Variants in ZDHHC8 observed in about 807,000 individuals in gnomAD.
The protein encoded by ZDHHC8 is zDHHC palmitoyltransferase 8, also known as palmitoyltransferase ZDHHC8.
Under a neutral mutation model 61.2 loss-of-function variants are expected in ZDHHC8, and 24 were observed. That is an observed-to-expected ratio of 0.39 (90% CI 0.28 to 0.55). The LOEUF is 0.55. Ranked by LOEUF, ZDHHC8 falls within the 20% of genes least tolerant of loss-of-function variation. ZDHHC8 has a pLI of 0.60. For missense variants in ZDHHC8, 935 were observed against 1,102.1 expected (o/e 0.85, Z 2.15); for synonymous variants, 523 against 492.5 (o/e 1.06, Z -0.82).
Position 20,140,174 on chromosome 22 carries a change from TC to T in ZDHHC8, c.619del (p.His207MetfsTer15). On this transcript the variant is annotated frameshift_variant, in exon 5 of 11. Transcript: ENST00000334554. LOFTEE classifies it high-confidence loss of function. ...FFIPVIGLTG[F>X]HVVLVTRGRT... Reference sequence around the variant, plus strand: ...ATCCCTGTCATTGGCCTCACTGGCTTCCATGTGGTGCTGGTCACTCGGGGGC... The same window carrying T: ...ATCCCTGTCATTGGCCTCACTGGCTTCATGTGGTGCTGGTCACTCGGGGGC... 6.2e-7 allele frequency: 1 copy of T among 1,613,522 alleles called. No homozygotes were observed. Among genetic ancestry groups the T allele is most frequent in the South Asian group, 1.1e-5 (1 of 91,088 alleles).
chr22:20,136,724 ATG>A (rs1303581676), intron 1 of ZDHHC8, among the ~76,000 whole-genome samples: 2 of 152,068 alleles, frequency 1.3e-5, no homozygotes, highest in African/African-American at 4.8e-5. Flanking sequence ...ATGCATGTAT[ATG>A]TGTTTTGTAT....
chr22:20,145,616 C>G lies in ZDHHC8; in HGVS notation c.*216C>G. Reference sequence around the variant, plus strand: ...CCATGGGGAAGTCGGCTCACTGGGACAAGGGCCACTGGGCTGGTCTGTGTC... The same window carrying G: ...CCATGGGGAAGTCGGCTCACTGGGAGAAGGGCCACTGGGCTGGTCTGTGTC... On this transcript the variant is annotated 3_prime_UTR_variant, in exon 11 of 11. Coordinates refer to ENST00000334554, the MANE Select transcript of ZDHHC8 (RefSeq NM_013373.4). 1 of 1,221,796 alleles carries G rather than the reference C, an allele frequency of 8.2e-7. No individual in the cohort carries two copies. Among genetic ancestry groups the G allele is most frequent in the African/African-American group, 1.6e-5 (1 of 63,578 alleles). The allele number at this position is 1,221,796 out of a possible 1,614,324, so 75.7% of individuals were successfully genotyped here. A position where few individuals can be genotyped will look rare whatever the true frequency, so the allele number is the denominator to read the frequency against.
chr22:20,141,746 G>A (rs2050473130), intron 9 of ZDHHC8, among the ~76,000 whole-genome samples: 1 of 152,174 alleles, frequency 6.6e-6, no homozygotes, highest in Non-Finnish European at 1.5e-5. Flanking sequence ...ACCCAGAGCT[G>A]GGACCCACAG....
intron 1 of ZDHHC8, among the ~76,000 whole-genome samples, chr22:20,132,788 C>T (rs1602564061): frequency 6.6e-6 from 1 of 152,240 alleles, no homozygotes; most frequent in African/African-American, 2.4e-5. Context: ...TACAGGCTGG[C>T]TTAGGACCAG....
Position 20,146,904 on chromosome 22 carries a change from TC to T in ZDHHC8, c.*1505del. ...GGGAGTGTGAGGGATGCACAGCTGT[TC>T]AGGGCTGAGACATTCTGGGCTGGGG... On this transcript the variant is annotated 3_prime_UTR_variant, in exon 11 of 11. Coordinates refer to ENST00000334554, the MANE Select transcript of ZDHHC8 (RefSeq NM_013373.4). 7.5e-7 allele frequency: 1 copy of T among 1,327,858 alleles called. No homozygotes were observed. Among genetic ancestry groups the T allele is most frequent in the Non-Finnish European group, 9.6e-7 (1 of 1,042,910 alleles). 82.3% of individuals were successfully genotyped at this position (1,327,858 alleles called of 1,614,324 possible). A position where few individuals can be genotyped will look rare whatever the true frequency, so the allele number is the denominator to read the frequency against.
chr22:20,143,741 C>T lies in ZDHHC8; in HGVS notation c.2111C>T (p.Ser704Leu), dbSNP rs768167749. 11 of 1,608,422 alleles carry T rather than the reference C, an allele frequency of 6.8e-6. No individual in the cohort carries two copies. The highest frequency in any genetic ancestry group is 5.3e-5 in the African/African-American group (4 of 74,862). Residue 704 changes from serine to leucine, a missense_variant, in exon 10 of 11, where the codon TCG (serine) becomes TTG (leucine). Ser to Leu is a moderately radical substitution (Grantham distance 145). Around this residue, in one of 3 missense-constraint regions of ZDHHC8, gnomAD observed 692 missense variants for 731.4 expected, o/e 0.95. Coordinates refer to ENST00000334554, the MANE Select transcript of ZDHHC8 (RefSeq NM_013373.4). Reference sequence around the variant, plus strand: ...ACGGACCTCCCAGAGCCACCGCCCTCGCTGACCGTGCAGAGGTGGGTGCCG... The same window carrying T: ...ACGGACCTCCCAGAGCCACCGCCCTTGCTGACCGTGCAGAGGTGGGTGCCG... ...IHTDLPEPPP[S>L]LTVQRDHPQL...
chr22:20,145,194 C>A, intron 10 of ZDHHC8, 35 bp from the exon 11 acceptor site: 1 of 1,409,928 alleles, frequency 7.1e-7, no homozygotes, highest in South Asian at 1.6e-5. Flanking sequence ...GTGTGTTCAC[C>A]GTGTGCATGT....
rs1439116970 is a variant in ZDHHC8, at chr22:20,139,238, A to G, written c.149A>G (p.Tyr50Cys). The G allele has an allele frequency of 1.9e-6, 3 of 1,613,860 alleles. No individual in the cohort carries two copies. Among genetic ancestry groups the G allele is most frequent in the Non-Finnish European group, 1.7e-6 (2 of 1,180,000 alleles). The change falls in exon 2 of 11, where the codon TAC becomes TGC. Residue 50 changes from tyrosine to cysteine, a missense_variant. Coordinates refer to ENST00000334554, the MANE Select transcript of ZDHHC8 (RefSeq NM_013373.4). ...TRAVSPAVPV[Y>C]NGIIFLFVLA... ...GCTGTGTCCCCAGCTGTTCCCGTCT[A>G]CAATGGCATCATCTTCCTCTTTGTC...
Position 20,132,018 on chromosome 22 carries a change from TG to T in ZDHHC8, c.73del (p.Val25SerfsTer15). ...YIPVATAAAL[L>X]VGSSTLFFVF... is the part of the protein sequence containing the mutation. ...CCGGTGGCCACGGCCGCCGCGCTGC[TG>T]GTCGGCTCCAGCACCCTCTTCTTCG... On this transcript the variant is annotated frameshift_variant, in exon 1 of 11. Coordinates refer to ENST00000334554, the MANE Select transcript of ZDHHC8 (RefSeq NM_013373.4). LOFTEE classifies it high-confidence loss of function. 2 of 1,390,434 alleles carry T rather than the reference TG, an allele frequency of 1.4e-6. No individual in the cohort carries two copies. The highest frequency in any genetic ancestry group is 1.3e-5 in the South Asian group (1 of 75,056). 86.1% of individuals were successfully genotyped at this position (1,390,434 alleles called of 1,614,324 possible). A position where few individuals can be genotyped will look rare whatever the true frequency, so the allele number is the denominator to read the frequency against.
In ZDHHC8 at chr22:20,139,851, G is replaced by A. The variant is rs200115823; in HGVS notation, c.516G>A (p.Leu172=). The A allele has an allele frequency of 3.1e-6, 5 of 1,612,604 alleles. No individual in the cohort carries two copies. The East Asian group carries it at 8.9e-5, about 29-fold the overall frequency. Residue 172 remains leucine (L), a synonymous_variant, in exon 4 of 11, where the codon CTG becomes CTA. Transcript: ENST00000334554. ...GVVAFGLVYV[L]NHAEGLGAAH... is the part of the protein sequence containing the mutation. ...TGGCCTTCGGCCTGGTCTACGTGCT[G>A]AACCACGCTGAGGGGCTGGGAGCCG...
In ZDHHC8 at chr22:20,141,483, G is replaced by T. The variant is rs745626862; in HGVS notation, c.1078G>T (p.Ala360Ser). Residue 360 changes from alanine (A) to serine (S), a missense_variant, in exon 9 of 11, where the codon GCT becomes TCT. Ala to Ser is a moderately conservative substitution (Grantham distance 99). This residue lies in a region of ZDHHC8 where 692 missense variants were observed against 731.4 expected (regional missense o/e 0.95). Transcript: ENST00000334554. ...ACCTGCCATGTACAAGTTTAGGCCG[G>T]CTTTCCCCACGGGTCCCAAGGTGCC... ...PTPAMYKFRPAFPTGPKVPFC... is the reference protein window; with the variant it reads ...PTPAMYKFRPSFPTGPKVPFC... 3 of 1,613,132 alleles carry T rather than the reference G, an allele frequency of 1.9e-6. No homozygotes were observed. Among genetic ancestry groups the T allele is most frequent in the Non-Finnish European group, 1.7e-6 (2 of 1,179,936 alleles).
At chr22:20,139,034 G>A (rs983816015) in intron 1 of ZDHHC8, among the ~76,000 whole-genome samples, 160 bp from the exon 2 acceptor site, 1 of 152,202 alleles carries the variant, frequency 6.6e-6, no homozygotes, top group Non-Finnish European at 1.5e-5. Flanking sequence ...TCGAAGGAGC[G>A]ATGTGGCTGA....
chr22:20,144,864 C>G (rs1439739600), intron 10 of ZDHHC8, among the ~76,000 whole-genome samples: 2 of 152,230 alleles, frequency 1.3e-5, no homozygotes, highest in African/African-American at 4.8e-5. Context: ...TGAGGCCAGG[C>G]AGAGTGGCTG....
Position 20,140,139 on chromosome 22 carries a change from C to T in ZDHHC8, c.582C>T (p.Gly194=), listed in dbSNP as rs2050455320. ...TITMAVMCVA[G]LFFIPVIGLT... is the part of the protein sequence containing the mutation. ...GCATGGCTGTCATGTGTGTGGCCGG[C>T]CTCTTCTTCATCCCTGTCATTGGCC... The change falls in exon 5 of 11, where the codon GGC becomes GGT. Residue 194 remains glycine (G), a synonymous_variant. Coordinates refer to ENST00000334554, the MANE Select transcript of ZDHHC8 (RefSeq NM_013373.4). The T allele has an allele frequency of 6.2e-7, 1 of 1,613,732 alleles. No homozygotes were observed. Among genetic ancestry groups the T allele is most frequent in the Non-Finnish European group, 8.5e-7 (1 of 1,180,014 alleles).
At chr22:20,133,024 G>A (rs1298699341) in intron 1 of ZDHHC8, among the ~76,000 whole-genome samples, 1 of 152,262 alleles carries the variant, frequency 6.6e-6, no homozygotes, top group South Asian at 2.1e-4. Flanking sequence ...AGAGGGGCAG[G>A]TAGGGGCTGC....
Position 20,145,310 on chromosome 22 carries a change from C to T in ZDHHC8, c.2208C>T (p.Gly736=), listed in dbSNP as rs768611244. The T allele has an allele frequency of 6.3e-7, 1 of 1,592,556 alleles. No individual in the cohort carries two copies. Among genetic ancestry groups the T allele is most frequent in the Non-Finnish European group, 8.5e-7 (1 of 1,170,198 alleles). The part of the protein sequence containing the change: ...PGLARLGPAT[G]PPGPSASPTR... ...TGGCCCGGCTGGGACCTGCCACCGG[C>T]CCCCCAGGGCCCTCTGCCAGCCCTA... Residue 736 remains glycine (G), a synonymous_variant, in exon 11 of 11, where the codon GGC becomes GGT. Coordinates refer to ENST00000334554, the MANE Select transcript of ZDHHC8 (RefSeq NM_013373.4).
At position 20,141,445 on chromosome 22, in the gene ZDHHC8, C is replaced by CCGG. The variant is rs752358565; in HGVS notation, c.1041_1042insGGC (p.Thr347_Ser348insGly). 1 of 1,613,342 alleles carries CCGG rather than the reference C, an allele frequency of 6.2e-7. No homozygotes were observed. Among genetic ancestry groups the CCGG allele is most frequent in the African/African-American group, 1.3e-5 (1 of 75,038 alleles). The stretch of plus-strand genomic sequence containing the variant: ...GAGAGTGCCCTGTCGGTGCAGAGGA[C>CCGG]CAGCCCCCCGACACCTGCCATGTAC... On this transcript the variant is annotated inframe_insertion, in exon 9 of 11. Coordinates refer to ENST00000334554, the MANE Select transcript of ZDHHC8 (RefSeq NM_013373.4).
chr22:20,145,226 C>T lies in ZDHHC8; in HGVS notation c.2127-3C>T, dbSNP rs201282869. 4 of 1,483,134 alleles carry T rather than the reference C, an allele frequency of 2.7e-6. No homozygotes were observed. In the East Asian group the frequency reaches 7.5e-5, roughly 28 times the overall value. 91.9% of individuals were successfully genotyped at this position (1,483,134 alleles called of 1,614,324 possible). ...ATGTGTGTATGTGCTTGTTTTGATG[C>T]AGGGACCACCCTCAGCTGAAGACTC... On this transcript the variant is annotated splice_polypyrimidine_tract_variant and splice_region_variant and intron_variant, in intron 10 of 10. Transcript: ENST00000334554.
rs2050522136 is a variant in ZDHHC8 at position 20,146,276 on chromosome 22, C to T, written c.*876C>T. ...CCCAAGGCATGCCACGTCCGCAGCC[C>T]CGGCCTGGCTGCGGTGCTCGCGCCG... On this transcript the variant is annotated 3_prime_UTR_variant, in exon 11 of 11. Coordinates refer to ENST00000334554, the MANE Select transcript of ZDHHC8 (RefSeq NM_013373.4). The T allele has an allele frequency of 1.0e-6, 1 of 985,602 alleles. No homozygotes were observed. The highest frequency in any genetic ancestry group is 4.7e-5 in the South Asian group (1 of 21,288). 61.1% of individuals were successfully genotyped at this position (985,602 alleles called of 1,614,324 possible).
Sources: allele counts gnomAD v4.1 joint callset (sites outside exome capture counted in the v4.1 genomes callset), GRCh38; gene constraint gnomAD v4.1.1; regional missense constraint gnomAD v4.1.1; transcripts MANE v1.5; gene names NCBI Gene and HGNC (gene_info 2026-07-23, HGNC 2026-07-21).